The following SNX7 variants were observed in gnomAD, a reference collection of about 807,000 sequenced individuals.
SNX7 encodes the protein sorting nexin-7.
A neutral mutation model predicts 48.4 loss-of-function variants in SNX7; 35 were observed. That is an observed-to-expected ratio of 0.72 (90% CI 0.55 to 0.96). SNX7 has a LOEUF of 0.96. SNX7 is among the 40% of genes least tolerant of loss of function. SNX7 has a pLI of 0.00. For synonymous variants in SNX7, 190 were observed against 190.2 expected (o/e 1.00, Z 0.01); for missense variants, 553 against 548.9 (o/e 1.01, Z -0.07).
chr1:98,700,779 A>G (rs1258653648), intron 6 of SNX7, among the ~76,000 whole-genome samples: 3 of 152,066 alleles, frequency 2.0e-5, no homozygotes, highest in Non-Finnish European at 2.9e-5. Context: ...CTTAATCCTT[A>G]ATGCTTTTTG....
At chr1:98,714,398 G>C (rs988198274) in intron 7 of SNX7, among the ~76,000 whole-genome samples, 16 of 116,602 alleles carry the variant, frequency 1.4e-4, no homozygotes, top group African/African-American at 4.8e-4. Context: ...AATAGTTCTT[G>C]GCTCCTTAAG....
intron 1 of SNX7, among the ~76,000 whole-genome samples, chr1:98,663,253 G>GTTTTTTTT (rs61588201): frequency 4.8e-5 from 2 of 41,508 alleles, no homozygotes; most frequent in African/African-American, 1.5e-4. Flanking sequence ...TTTCTTTCTG[G>GTTTTTTTT]TTTTTTTTTT....
chr1:98,733,951 A>G (rs1233926146), intron 7 of SNX7, among the ~76,000 whole-genome samples: 6 of 152,134 alleles, frequency 3.9e-5, no homozygotes, highest in African/African-American at 7.2e-5. Flanking sequence ...GTGGATTATC[A>G]TCTCTTGCAA....
intron 8 of SNX7, among the ~76,000 whole-genome samples, chr1:98,749,242 G>A (rs1375171945): frequency 6.6e-6 from 1 of 151,952 alleles, no homozygotes; most frequent in Non-Finnish European, 1.5e-5. Context: ...TGAGAGAAAT[G>A]GAATAAATTT....
intron 8 of SNX7, among the ~76,000 whole-genome samples, chr1:98,756,703 C>T (rs1654876271): frequency 6.6e-6 from 1 of 151,880 alleles, no homozygotes; most frequent in Non-Finnish European, 1.5e-5. Flanking sequence ...TTCTCTGATA[C>T]TCTGGTCTAT....
rs1187346191 is a variant in SNX7 at position 98,663,252 on chromosome 1, GGTTTTTTTTTTTTTTTTTTT to G, written c.180+1342_180+1361del. 5.8e-4 allele frequency among the ~76,000 whole-genome samples: 48 copies of G among 83,156 alleles called. 3 individuals are homozygous for G. In the East Asian group the frequency reaches 7.7e-3, roughly 13 times the overall value. 54.6% of individuals were successfully genotyped at this position (83,156 alleles called of 152,430 possible). A position where few individuals can be genotyped will look rare whatever the true frequency, so the allele number is the denominator to read the frequency against. On this transcript the variant is annotated intron_variant, in intron 1 of 8. Transcript: ENST00000306121. ...ATCAGAATCATCAGGGTTTCTTTCT[GGTTTTTTTTTTTTTTTTTTT>G]TTTTTTTTTTTTTTTTTTTTGTCGG...
intron 2 of SNX7, 141 bp downstream of exon 2, chr1:98,685,208 C>A: frequency 2.1e-6 from 1 of 467,982 alleles, no homozygotes; most frequent in Non-Finnish European, 3.6e-6. Context: ...TTTTGGCTAA[C>A]ACATTGCTTC....
chr1:98,748,011 C>G (rs1195687023), intron 8 of SNX7, among the ~76,000 whole-genome samples: 1 of 133,846 alleles, frequency 7.5e-6, no homozygotes. Flanking sequence ...GAGTCTTGCT[C>G]TGTCGCCCAG....
At chr1:98,710,472 A>G (rs1481929287) in intron 7 of SNX7, among the ~76,000 whole-genome samples, 1 of 152,154 alleles carries the variant, frequency 6.6e-6, no homozygotes, top group African/African-American at 2.4e-5. Context: ...TGCAACCGAA[A>G]AAGTAACAGA....
chr1:98,662,493 G>T, intron 1 of SNX7: 1 of 347,454 alleles, frequency 2.9e-6, no homozygotes, highest in Non-Finnish European at 5.5e-6. Context: ...TTTTTCAGAT[G>T]GTCAGCTACT....
intron 8 of SNX7, among the ~76,000 whole-genome samples, chr1:98,750,057 G>A (rs201958173): frequency 6.6e-6 from 1 of 151,876 alleles, no homozygotes; most frequent in East Asian, 1.9e-4. Context: ...CTTAATATGG[G>A]AATTTCCAGT....
chr1:98,700,728 TAAG>T, intron 6 of SNX7, among the ~76,000 whole-genome samples: 1 of 152,230 alleles, frequency 6.6e-6, no homozygotes, highest in South Asian at 2.1e-4. Context: ...TTGAATGTCT[TAAG>T]AGTCATTCCA....
intron 7 of SNX7, among the ~76,000 whole-genome samples, chr1:98,735,938 G>A (rs764588111): frequency 2.0e-5 from 3 of 152,102 alleles, no homozygotes; most frequent in Non-Finnish European, 4.4e-5. Flanking sequence ...GTGACAGTGA[G>A]GGCAAAGTTC....
intron 8 of SNX7, among the ~76,000 whole-genome samples, chr1:98,750,199 CTTATA>C (rs1654513703): frequency 6.6e-6 from 1 of 151,488 alleles, no homozygotes; most frequent in African/African-American, 2.4e-5. Flanking sequence ...TTTATTTTGA[CTTATA>C]TAATAATTCG....
chr1:98,724,752 C>T (rs1653078732), intron 7 of SNX7, among the ~76,000 whole-genome samples: 1 of 152,056 alleles, frequency 6.6e-6, no homozygotes, highest in East Asian at 1.9e-4. Flanking sequence ...TGCTTTTTAG[C>T]AATAATAAAT....
intron 7 of SNX7, among the ~76,000 whole-genome samples, chr1:98,725,204 T>G (rs2101013543): frequency 6.6e-6 from 1 of 152,304 alleles, no homozygotes; most frequent in South Asian, 2.1e-4. Context: ...TTAAAAATGG[T>G]TTAATCTCTG....
intron 2 of SNX7, among the ~76,000 whole-genome samples, chr1:98,689,319 A>G (rs979071011): frequency 6.6e-6 from 1 of 152,174 alleles, no homozygotes; most frequent in South Asian, 2.1e-4. Context: ...ATATTCCTAC[A>G]TATGTGTCTC....
At chr1:98,704,570 G>A (rs1222635205) in intron 7 of SNX7, among the ~76,000 whole-genome samples, 1 of 152,160 alleles carries the variant, frequency 6.6e-6, no homozygotes, top group Non-Finnish European at 1.5e-5. Context: ...AAGACTGAAA[G>A]GAAGTTGCTT....
chr1:98,728,003 C>T (rs2101018748), intron 7 of SNX7, among the ~76,000 whole-genome samples: 1 of 152,280 alleles, frequency 6.6e-6, no homozygotes, highest in East Asian at 1.9e-4. Flanking sequence ...CCTAGCAGGA[C>T]TGGCCAACAT....
Sources: gnomAD v4.1 joint callset for allele counts (sites outside exome capture counted in the v4.1 genomes callset) on GRCh38, gnomAD v4.1.1 for gene constraint, MANE v1.5 for transcripts, NCBI Gene and HGNC (gene_info 2026-07-23, HGNC 2026-07-21) for gene names.